RNF122: variants seen among roughly 807,000 people sequenced by gnomAD.
RNF122 encodes ring finger protein 122.
In RNF122, 17 loss-of-function variants were observed where a neutral mutation model predicts 24.2. That is an observed-to-expected ratio of 0.70 (90% CI 0.48 to 1.06). RNF122 has a LOEUF of 1.06. Among genes scored for constraint, RNF122 ranks in the 50% least tolerant of loss-of-function variants. RNF122 has a pLI of 0.00. For synonymous variants in RNF122, 65 were observed against 71.8 expected, an observed-to-expected ratio of 0.91 and a Z score of 0.48; for missense variants, 168 against 198.1, an observed-to-expected ratio of 0.85 and a Z score of 0.91.
intron 1 of RNF122, among the ~76,000 whole-genome samples, chr8:33,559,310 T>C (rs1316441797): frequency 2.0e-5 from 2 of 100,802 alleles, no homozygotes; most frequent in African/African-American, 1.1e-4. Flanking sequence ...AATCTCTATT[T>C]TTAAAAATTA....
In RNF122 at chr8:33,566,764, G is replaced by T; in HGVS notation, c.-41C>A. 1 of 1,592,884 alleles carries T rather than the reference G, an allele frequency of 6.3e-7. No individual in the cohort carries two copies. Among genetic ancestry groups the T allele is most frequent in the South Asian group, 1.1e-5 (1 of 87,564 alleles). ...TGGCTTCCTCGGGCGAACGGACGCAGGCGGGGTGCCAGGAGGGCGGGGTGG... is the reference window on the plus strand; with the variant it reads ...TGGCTTCCTCGGGCGAACGGACGCATGCGGGGTGCCAGGAGGGCGGGGTGG... On this transcript the variant is annotated 5_prime_UTR_variant, in exon 1 of 6. In the 5' UTR this introduces an upstream ATG that the reference lacks. Transcript: ENST00000256257.
intron 4 of RNF122, 129 bp downstream of exon 4, chr8:33,550,915 T>C (rs1810364304): frequency 1.2e-6 from 1 of 823,710 alleles, no homozygotes; most frequent in African/African-American, 1.7e-5. Flanking sequence ...GTCTCCATTA[T>C]TTGGCCAAAG....
At chr8:33,557,955 C>G (rs1004816161) in intron 2 of RNF122, among the ~76,000 whole-genome samples, 1 of 152,090 alleles carries the variant, frequency 6.6e-6, no homozygotes, top group African/African-American at 2.4e-5. Flanking sequence ...CCATCCTGGT[C>G]AACATGGTGA....
chr8:33,560,524 G>A (rs979624785), intron 1 of RNF122, among the ~76,000 whole-genome samples: 1 of 151,702 alleles, frequency 6.6e-6, no homozygotes, highest in Non-Finnish European at 1.5e-5. Context: ...ATAAGCATGA[G>A]CCACTGCACC....
At chr8:33,564,034 A>C (rs1810583952) in intron 1 of RNF122, among the ~76,000 whole-genome samples, 1 of 152,234 alleles carries the variant, frequency 6.6e-6, no homozygotes, top group Non-Finnish European at 1.5e-5. Context: ...GAGCATAGTC[A>C]AGAGGAGATG....
At chr8:33,559,667 A>G (rs549941376) in intron 1 of RNF122, among the ~76,000 whole-genome samples, 27 of 152,218 alleles carry the variant, frequency 1.8e-4, no homozygotes, top group African/African-American at 6.5e-4. Flanking sequence ...AGCATTCCAG[A>G]AAGTGGCGAT....
intron 2 of RNF122, 41 bp downstream of exon 2, chr8:33,558,574 C>T (rs1222925772): frequency 6.5e-7 from 1 of 1,542,076 alleles, no homozygotes; most frequent in Admixed American, 1.8e-5. Context: ...TCTCCTCCCT[C>T]CTGCTGGACT....
Position 33,558,729 on chromosome 8 carries a change from C to T in RNF122, c.68G>A (p.Cys23Tyr). The change falls in exon 2 of 6, where the codon TGC becomes TAC. Residue 23 changes from cysteine to tyrosine, a missense_variant. Transcript: ENST00000256257. ...CTGGAAACTGATGGGTGGCATCGAG[C>T]AGGACTTGTTGGTGCTAACCAGTCC... Reference protein sequence around the residue: ...GLGLVSTNKSCSMPPISFQDL... With the variant: ...GLGLVSTNKSYSMPPISFQDL... 1.9e-6 allele frequency: 3 copies of T among 1,610,116 alleles called. No homozygotes were observed. Among genetic ancestry groups the T allele is most frequent in the Non-Finnish European group, 2.5e-6 (3 of 1,177,360 alleles).
intron 4 of RNF122, among the ~76,000 whole-genome samples, 164 bp from the exon 5 acceptor site, chr8:33,549,656 T>C (rs1038885325): frequency 2.0e-5 from 3 of 152,246 alleles, no homozygotes; most frequent in African/African-American, 7.2e-5. Flanking sequence ...TCATTAACCA[T>C]ATGTGGCTGT....
chr8:33,551,072 C>A lies in RNF122; in HGVS notation c.242G>T (p.Gly81Val), dbSNP rs141431566. Residue 81 changes from glycine (G) to valine (V), a missense_variant, in exon 4 of 6, where the codon GGT (glycine) becomes GTT (valine). Transcript: ENST00000256257. The part of the protein sequence containing the change: ...RYGYKEVVLK[G>V]DAKKLQLYGQ... ...ATATAATTGTAACTTCTTGGCATCA[C>A]CTTTAAGCACCACCTGAAAAGAAAG... 1.2e-6 allele frequency: 2 copies of A among 1,614,130 alleles called. No individual in the cohort carries two copies. The highest frequency in any genetic ancestry group is 8.5e-7 in the Non-Finnish European group (1 of 1,180,022).
Position 33,549,417 on chromosome 8 carries a change from GA to G in RNF122, c.345del (p.His116ThrfsTer6). 6.2e-7 allele frequency: 1 copy of G among 1,613,736 alleles called. No homozygotes were observed. Among genetic ancestry groups the G allele is most frequent in the Non-Finnish European group, 8.5e-7 (1 of 1,179,612 alleles). On this transcript the variant is annotated frameshift_variant, in exon 5 of 6. Transcript: ENST00000256257. LOFTEE classifies it high-confidence loss of function. ...ELGVLPCQHA[F>X]HRKCLVKWLE... is the part of the protein sequence containing the mutation. Reference sequence around the variant, plus strand: ...GGACACATTCCCACGTACTTGCGGTGAAAGGCGTGTTGGCACGGGAGCACGC... The same window carrying G: ...GGACACATTCCCACGTACTTGCGGTGAAGGCGTGTTGGCACGGGAGCACGC...
At chr8:33,560,139 G>A (rs1810518828) in intron 1 of RNF122, among the ~76,000 whole-genome samples, 1 of 152,098 alleles carries the variant, frequency 6.6e-6, no homozygotes, top group Non-Finnish European at 1.5e-5. Context: ...ACGGCACCTA[G>A]CCAGGACCTA....
Position 33,548,632 on chromosome 8 carries a change from C to G in RNF122, c.*121G>C, listed in dbSNP as rs776193930. On this transcript the variant is annotated 3_prime_UTR_variant, in exon 6 of 6. Coordinates refer to ENST00000256257, the MANE Select transcript of RNF122 (RefSeq NM_024787.3). ...GGTAGAAGCCCAGTCCTAGACCACC[C>G]TTCTCATCACTGGGAAAGTGATCGT... 2 of 700,452 alleles carry G rather than the reference C, an allele frequency of 2.9e-6. No homozygotes were observed. Among genetic ancestry groups the G allele is most frequent in the Non-Finnish European group, 5.2e-6 (2 of 388,328 alleles). 43.4% of individuals were successfully genotyped at this position (700,452 alleles called of 1,614,324 possible).
intron 5 of RNF122, among the ~76,000 whole-genome samples, chr8:33,549,140 G>A (rs1341998070): frequency 6.6e-6 from 1 of 151,352 alleles, no homozygotes; most frequent in Non-Finnish European, 1.5e-5. Context: ...AGAATCGCTT[G>A]AACCTGGGAG....
intron 2 of RNF122, among the ~76,000 whole-genome samples, chr8:33,553,604 TAAAC>T (rs1338823608): frequency 2.0e-5 from 3 of 151,940 alleles, no homozygotes; most frequent in Non-Finnish European, 4.4e-5. Context: ...TTAAAATAAA[TAAAC>T]AAATGAGTGG....
intron 2 of RNF122, among the ~76,000 whole-genome samples, chr8:33,555,264 A>T (rs954846704): frequency 6.6e-6 from 1 of 151,898 alleles, no homozygotes; most frequent in Non-Finnish European, 1.5e-5. Context: ...GTGCAATGGC[A>T]TGATCTTAGC....
At chr8:33,554,390 G>A (rs899314899) in intron 2 of RNF122, among the ~76,000 whole-genome samples, 2 of 152,138 alleles carry the variant, frequency 1.3e-5, no homozygotes, top group Admixed American at 6.6e-5. Flanking sequence ...TGTACCCCAG[G>A]CACCTAGAGT....
intron 2 of RNF122, among the ~76,000 whole-genome samples, chr8:33,552,582 A>C (rs1810392884): frequency 6.6e-6 from 1 of 152,164 alleles, no homozygotes; most frequent in South Asian, 2.1e-4. Context: ...GGAATACATC[A>C]TAGTCCTGAG....
At position 33,557,627 on chromosome 8, in the gene RNF122, C is replaced by CA. The variant is rs35010890; in HGVS notation, c.182+987dup. Among the ~76,000 whole-genome samples the CA allele has an allele frequency of 5.9e-3, 771 of 129,834 alleles. 4 individuals carry two copies. The highest frequency in any genetic ancestry group is 0.01 in the Admixed American group (129 of 12,392). 85.2% of individuals were successfully genotyped at this position (129,834 alleles called of 152,430 possible). ...TGGGTGATGAAGTGAGACACCGTCTCAAAAAAAAAAAAAAGAAAGAAAGAA... is the reference window on the plus strand; with the variant it reads ...TGGGTGATGAAGTGAGACACCGTCTCAAAAAAAAAAAAAAAGAAAGAAAGAA... On this transcript the variant is annotated intron_variant, in intron 2 of 5. Transcript: ENST00000256257.
Sources: gnomAD v4.1 joint callset for allele counts (sites outside exome capture counted in the v4.1 genomes callset) on GRCh38, gnomAD v4.1.1 for gene constraint, MANE v1.5 for transcripts, NCBI Gene and HGNC (gene_info 2026-07-23, HGNC 2026-07-21) for gene names.